CACNA1C: variants seen among roughly 807,000 people sequenced by gnomAD.
The protein encoded by CACNA1C is voltage-dependent L-type calcium channel subunit alpha-1C.
Under a neutral mutation model 229.0 loss-of-function variants are expected in CACNA1C, and 30 were observed. The ratio of observed to expected loss-of-function variants is 0.13; its 90% confidence interval spans 0.10 to 0.18. The LOEUF is 0.18. CACNA1C is among the 10% of genes least tolerant of loss of function. The pLI is 1.00. For synonymous variants in CACNA1C, 1,114 were observed against 1,132.5 expected (o/e 0.98, Z 0.33); for missense variants, 1,658 against 2,845.0 (o/e 0.58, Z 9.49).
intron 3 of CACNA1C, among the ~76,000 whole-genome samples, chr12:2,295,709 A>G (rs185243193): frequency 6.6e-6 from 1 of 152,368 alleles, no homozygotes; most frequent in African/African-American, 2.4e-5. Flanking sequence ...CAACCATCAT[A>G]TGATTGAATA....
intron 1 of CACNA1C, among the ~76,000 whole-genome samples, chr12:1,996,578 G>A (rs1425147105): frequency 7.8e-6 from 1 of 127,396 alleles, no homozygotes; most frequent in South Asian, 2.6e-4. Context: ...GAATTGTCTT[G>A]GGCCACACAT....
chr12:2,038,657 GA>G lies in CACNA1C; in HGVS notation c.139+67457del, dbSNP rs544459827. On this transcript the variant is annotated intron_variant, in intron 1 of 46. Coordinates refer to the CACNA1C transcript ENST00000682462. Reference sequence around the variant, plus strand: ...ATATGATTCAGGAACTATTTCTGGAGATAGCTGAACCCATGCTTAATAGGGT... The same window carrying G: ...ATATGATTCAGGAACTATTTCTGGAGTAGCTGAACCCATGCTTAATAGGGT... 3.7e-3 allele frequency among the ~76,000 whole-genome samples: 560 copies of G among 152,336 alleles called. 6 individuals are homozygous for G. Among genetic ancestry groups the G allele is most frequent in the African/African-American group, 0.013 (540 of 41,560 alleles).
chr12:2,280,381 TTTGACCTCTTGATACCTTGCTGTGCTTC>T (rs2090760597), intron 3 of CACNA1C, among the ~76,000 whole-genome samples: 1 of 91,696 alleles, frequency 1.1e-5, no homozygotes, highest in African/African-American at 4.9e-5. Context: ...TGTGCTTCGG[TTTGACCTCTTGATACCTTGCTGTGCTTC>T]GGTTTGACCT....
rs1183771037 is a variant in CACNA1C, at chr12:2,691,071, T to A, written c.6289T>A (p.Phe2097Ile). The A allele has an allele frequency of 1.2e-6, 2 of 1,610,616 alleles. No homozygotes were observed. The highest frequency in any genetic ancestry group is 2.7e-5 in the African/African-American group (2 of 74,838). Residue 2097 changes from phenylalanine (F) to isoleucine (I), a missense_variant, in exon 47 of 47, where the codon TTT becomes ATT. By Grantham distance (21) the Phe-to-Ile change is conservative. This residue lies in a region of CACNA1C where 590 missense variants were observed against 700.8 expected (regional missense o/e 0.84). Transcript: ENST00000399655. Reference sequence around the variant, plus strand: ...GAGCCCCAATGGCGCCCTCTTACCCTTTGTGAACTGCAGGGACGCGGGGCA... The same window carrying A: ...GAGCCCCAATGGCGCCCTCTTACCCATTGTGAACTGCAGGGACGCGGGGCA... ...PQSPNGALLP[F>I]VNCRDAGQDR...
At chr12:2,576,353 C>A (rs1001623350) in intron 13 of CACNA1C, among the ~76,000 whole-genome samples, 4 of 152,096 alleles carry the variant, frequency 2.6e-5, no homozygotes, top group Non-Finnish European at 5.9e-5. Context: ...CACCCGGGTG[C>A]TGTAGAGCCC....
intron 9 of CACNA1C, 117 bp downstream of exon 9, chr12:2,513,101 T>C: frequency 1.4e-6 from 1 of 711,686 alleles, no homozygotes; most frequent in Non-Finnish European, 2.3e-6. Flanking sequence ...GGTGCCTTCC[T>C]GGAGCAGCAG....
chr12:2,400,789 G>GGGCAGAGATGTACACCTC, intron 3 of CACNA1C, among the ~76,000 whole-genome samples: 1 of 152,094 alleles, frequency 6.6e-6, no homozygotes. Flanking sequence ...CCTGACACCT[G>GGGCAGAGATGTACACCTC]GGCAGAGATG....
chr12:2,171,437 G>C (rs1407860256), intron 3 of CACNA1C, among the ~76,000 whole-genome samples: 3 of 152,180 alleles, frequency 2.0e-5, no homozygotes, highest in Non-Finnish European at 4.4e-5. Flanking sequence ...CATTCTGCAG[G>C]GAGTCCGTCA....
At chr12:2,120,252 T>TA (rs1207456356) in intron 2 of CACNA1C, 73 bp from the exon 3 acceptor site, 22 of 831,548 alleles carry the variant, frequency 2.6e-5, no homozygotes, top group Non-Finnish European at 3.8e-5. Context: ...TGATTCATTT[T>TA]AAAAAATATG....
intron 38 of CACNA1C, among the ~76,000 whole-genome samples, chr12:2,673,661 T>C (rs1219362391): frequency 6.6e-6 from 1 of 152,146 alleles, no homozygotes; most frequent in Non-Finnish European, 1.5e-5. Context: ...AGATCCTCAC[T>C]TTCCTGCTGG....
In CACNA1C at chr12:2,408,092, A is replaced by G. The variant is rs55752560; in HGVS notation, c.478-40884A>G. On this transcript the variant is annotated intron_variant, in intron 3 of 46. Transcript: ENST00000399655. ...CCAGGAATTTCCAACACACGCTACA[A>G]CATGGGTGAACCTTGAAAACATTAT... Among the ~76,000 whole-genome samples the G allele has an allele frequency of 9.9e-3, 1,502 of 152,332 alleles. 25 individuals carry two copies. The highest frequency in any genetic ancestry group is 0.035 in the African/African-American group (1,452 of 41,576).
chr12:2,266,805 C>G (rs553242638), intron 3 of CACNA1C, among the ~76,000 whole-genome samples: 1 of 152,178 alleles, frequency 6.6e-6, no homozygotes, highest in Non-Finnish European at 1.5e-5. Context: ...AGTAAGGGCT[C>G]GAGCTGGGCA....
At chr12:2,641,777 T>C (rs2093725672) in intron 30 of CACNA1C, 1 of 702,384 alleles carries the variant, frequency 1.4e-6, no homozygotes, top group Admixed American at 2.0e-5. Context: ...TTTAGCAACG[T>C]GACCCCTGAG....
At chr12:2,500,277 C>T (rs896018018) in intron 7 of CACNA1C, among the ~76,000 whole-genome samples, 7 of 152,188 alleles carry the variant, frequency 4.6e-5, no homozygotes, top group African/African-American at 1.4e-4. Context: ...GGGGCCATGA[C>T]CTTGAGGTCT....
intron 1 of CACNA1C, among the ~76,000 whole-genome samples, chr12:2,064,440 T>A (rs2058625351): frequency 6.7e-6 from 1 of 148,236 alleles, no homozygotes; most frequent in Non-Finnish European, 1.5e-5. Flanking sequence ...GGGAGGCAGC[T>A]CTGTGCTCTG....
At chr12:2,279,961 C>G (rs2090482782) in intron 3 of CACNA1C, among the ~76,000 whole-genome samples, 1 of 152,234 alleles carries the variant, frequency 6.6e-6, no homozygotes, top group South Asian at 2.1e-4. Flanking sequence ...CCTACAGTTA[C>G]TGAGGGACAG....
At chr12:2,344,196 G>A (rs1236892419) in intron 3 of CACNA1C, among the ~76,000 whole-genome samples, 1 of 152,098 alleles carries the variant, frequency 6.6e-6, no homozygotes, top group East Asian at 1.9e-4. Context: ...TGCTTTTAAG[G>A]CCGATTGCTA....
chr12:2,502,884 A>G (rs2099763803), intron 7 of CACNA1C, among the ~76,000 whole-genome samples: 1 of 152,122 alleles, frequency 6.6e-6, no homozygotes, highest in African/African-American at 2.4e-5. Context: ...ATCAAACTTG[A>G]GCATAGCCTA....
intron 13 of CACNA1C, among the ~76,000 whole-genome samples, chr12:2,574,195 G>A (rs766470083): frequency 9.2e-5 from 14 of 152,168 alleles, no homozygotes; most frequent in South Asian, 2.1e-4. Context: ...ACGCATGGCC[G>A]GAATCTTTGT....
Sources: allele counts gnomAD v4.1 joint callset (sites outside exome capture counted in the v4.1 genomes callset), GRCh38; gene constraint gnomAD v4.1.1; regional missense constraint gnomAD v4.1.1; transcripts MANE v1.5; gene names NCBI Gene and HGNC (gene_info 2026-07-23, HGNC 2026-07-21).